XRCC4: variants seen among roughly 807,000 people sequenced by gnomAD.
The protein encoded by XRCC4 is X-ray repair cross complementing 4.
A neutral mutation model predicts 39.1 loss-of-function variants in XRCC4; 28 were observed. The ratio of observed to expected loss-of-function variants is 0.72; its 90% CI spans 0.53 to 0.98. The LOEUF is 0.98. Among genes scored for constraint, XRCC4 ranks in the 50% least tolerant of loss-of-function variants. The pLI, the probability that XRCC4 is intolerant of heterozygous loss-of-function variation, is 0.00. For missense variants in XRCC4, 350 were observed against 376.4 expected (o/e 0.93, Z 0.58); for synonymous variants, 123 against 126.4 (o/e 0.97, Z 0.18).
intron 6 of XRCC4, among the ~76,000 whole-genome samples, chr5:83,226,525 C>T (rs1050394117): frequency 6.6e-6 from 1 of 152,014 alleles, no homozygotes; most frequent in Non-Finnish European, 1.5e-5. Flanking sequence ...AGGTCTACTC[C>T]CCTCTGCTCC....
rs534515353 is a variant in XRCC4, at chr5:83,189,908, T to C, written c.316-5862T>C. 6.6e-5 allele frequency among the ~76,000 whole-genome samples: 10 copies of C among 151,902 alleles called. No homozygotes were observed. In the East Asian group the frequency reaches 1.9e-3, roughly 29 times the overall value. On this transcript the variant is annotated intron_variant, in intron 3 of 7. Transcript: ENST00000396027. ...GTGAAACTCCGTCTCTACTAAAAAT[T>C]CAAAAATTAGTCAGGAATGGTGGCA...
At chr5:83,137,063 A>G (rs1747934677) in intron 3 of XRCC4, among the ~76,000 whole-genome samples, 2 of 152,166 alleles carry the variant, frequency 1.3e-5, no homozygotes, top group African/African-American at 2.4e-5. Context: ...TGTACCTTAT[A>G]TACAAAAAAA....
chr5:83,346,617 G>A (rs774151914), intron 7 of XRCC4, among the ~76,000 whole-genome samples: 34 of 152,158 alleles, frequency 2.2e-4, no homozygotes, highest in Non-Finnish European at 3.8e-4. Flanking sequence ...TCTGAGAGCA[G>A]GAGTAACACT....
chr5:83,187,044 C>T (rs1363194605), intron 3 of XRCC4, among the ~76,000 whole-genome samples: 3 of 54,066 alleles, frequency 5.5e-5, no homozygotes, highest in African/African-American at 8.6e-5. Flanking sequence ...CCCGGGTTCA[C>T]GCCATTCTCC....
At chr5:83,144,191 A>T (rs751249969) in intron 3 of XRCC4, among the ~76,000 whole-genome samples, 19 of 152,014 alleles carry the variant, frequency 1.2e-4, no homozygotes, top group African/African-American at 4.6e-4. Flanking sequence ...TTCACTTAGA[A>T]TAATGACCTC....
At chr5:83,292,234 C>T (rs1468136790) in intron 7 of XRCC4, among the ~76,000 whole-genome samples, 1 of 151,832 alleles carries the variant, frequency 6.6e-6, no homozygotes, top group Non-Finnish European at 1.5e-5. Flanking sequence ...TCACGGTGCA[C>T]ATTGTCATGT....
Position 83,351,142 on chromosome 5 carries a change from G to A in XRCC4, c.894-1989G>A, listed in dbSNP as rs187190846. 1.6e-3 allele frequency among the ~76,000 whole-genome samples: 250 copies of A among 152,126 alleles called. 3 individuals are homozygous for A. The Middle Eastern group carries it at 0.041, about 25-fold the overall frequency. On this transcript the variant is annotated intron_variant, in intron 7 of 7. Transcript: ENST00000396027. ...AAAAATGTGTGGCATCTTACCCCCC[G>A]CTTCCTCCTTCTCCGGCCATGTAAG...
intron 1 of XRCC4, among the ~76,000 whole-genome samples, chr5:83,098,319 A>G (rs1745772157): frequency 6.6e-6 from 1 of 152,144 alleles, no homozygotes; most frequent in African/African-American, 2.4e-5. Flanking sequence ...GAATAAGATT[A>G]TGTTAGCAGT....
chr5:83,346,339 G>A (rs949396614), intron 7 of XRCC4, among the ~76,000 whole-genome samples: 14 of 152,136 alleles, frequency 9.2e-5, no homozygotes, highest in African/African-American at 3.4e-4. Context: ...AGGTCCAGCA[G>A]TGACCTGACC....
chr5:83,082,585 T>C (rs1301601980), intron 1 of XRCC4, among the ~76,000 whole-genome samples: 1 of 152,244 alleles, frequency 6.6e-6, no homozygotes, highest in Admixed American at 6.5e-5. Context: ...ATTTGATTCA[T>C]AGTAGAAGCT....
chr5:83,081,107 C>T (rs7720588), intron 1 of XRCC4, among the ~76,000 whole-genome samples: 54,448 of 152,012 alleles, frequency 0.36, 10,216 homozygotes, highest in Non-Finnish European at 0.42. Flanking sequence ...AGCCTCCTCA[C>T]GGGGCCTTGG....
intron 7 of XRCC4, among the ~76,000 whole-genome samples, chr5:83,334,745 G>A (rs974535164): frequency 3.3e-5 from 5 of 151,406 alleles, no homozygotes; most frequent in Non-Finnish European, 5.9e-5. Context: ...TCTTTATTTT[G>A]TCCTTTCTAT....
intron 7 of XRCC4, among the ~76,000 whole-genome samples, chr5:83,328,749 T>C (rs1467896473): frequency 6.6e-6 from 1 of 152,038 alleles, no homozygotes; most frequent in African/African-American, 2.4e-5. Flanking sequence ...CATGACTTAT[T>C]ATATAGGAAT....
chr5:83,264,181 C>T (rs931470825), intron 7 of XRCC4, among the ~76,000 whole-genome samples: 3 of 152,124 alleles, frequency 2.0e-5, no homozygotes, highest in Admixed American at 6.6e-5. Flanking sequence ...AGAAATTGCA[C>T]AATCCATGCA....
intron 7 of XRCC4, among the ~76,000 whole-genome samples, chr5:83,314,358 G>A (rs899814690): frequency 6.6e-6 from 1 of 152,166 alleles, no homozygotes; most frequent in Non-Finnish European, 1.5e-5. Context: ...AATTGTAGGT[G>A]AAATTGACAT....
At chr5:83,150,538 G>C (rs751074738) in intron 3 of XRCC4, among the ~76,000 whole-genome samples, 2 of 152,108 alleles carry the variant, frequency 1.3e-5, no homozygotes, top group South Asian at 4.1e-4. Flanking sequence ...AAGATGAAGT[G>C]ATGCTTTCAA....
At chr5:83,116,649 C>G (rs1420904132) in intron 3 of XRCC4, among the ~76,000 whole-genome samples, 1 of 115,202 alleles carries the variant, frequency 8.7e-6, no homozygotes, top group Non-Finnish European at 1.7e-5. Flanking sequence ...TGAGATGGAG[C>G]CTCACTCTGT....
At chr5:83,249,205 C>A (rs1274796824) in intron 6 of XRCC4, among the ~76,000 whole-genome samples, 1 of 152,048 alleles carries the variant, frequency 6.6e-6, no homozygotes, top group African/African-American at 2.4e-5. Context: ...GAGACAATGA[C>A]TAACAGACTC....
intron 1 of XRCC4, among the ~76,000 whole-genome samples, chr5:83,079,598 G>T (rs1208349734): frequency 1.3e-5 from 2 of 152,140 alleles, no homozygotes; most frequent in East Asian, 3.8e-4. Context: ...GCACAATCAT[G>T]ACTCACTGCA....
Sources: allele counts gnomAD v4.1 joint callset (sites outside exome capture counted in the v4.1 genomes callset), GRCh38; gene constraint gnomAD v4.1.1; transcripts MANE v1.5; gene names NCBI Gene and HGNC (gene_info 2026-07-23, HGNC 2026-07-21).